Variants in CEP83 observed in about 807,000 individuals in gnomAD.
CEP83 encodes the protein centrosomal protein 83.
In CEP83, 70 loss-of-function variants were observed where a neutral mutation model predicts 101.9. That is an observed-to-expected ratio of 0.69 (90% CI 0.57 to 0.84). The LOEUF (loss-of-function observed/expected upper bound fraction) is 0.84, where lower values mean the gene tolerates loss of function less well. CEP83 is among the 40% of genes least tolerant of loss of function. The pLI, the probability that CEP83 is intolerant of heterozygous loss-of-function variation, is 0.00. For missense variants in CEP83, 715 were observed against 787.2 expected, an observed-to-expected ratio of 0.91 and a Z score of 1.10; for synonymous variants, 264 against 267.9, an observed-to-expected ratio of 0.99 and a Z score of 0.14.
At chr12:94,386,034 A>G (rs1004937794) in intron 6 of CEP83, among the ~76,000 whole-genome samples, 10 of 152,148 alleles carry the variant, frequency 6.6e-5, no homozygotes, top group African/African-American at 2.4e-4. Context: ...CTAGGTGCAT[A>G]TATGTATAGT....
At chr12:94,341,958 C>T (rs898114121) in intron 11 of CEP83, among the ~76,000 whole-genome samples, 1 of 152,078 alleles carries the variant, frequency 6.6e-6, no homozygotes, top group African/African-American at 2.4e-5. Flanking sequence ...GAGTAGGATG[C>T]CTGGGGAGGG....
At chr12:94,270,524 G>A in the CEP83 span, among the ~76,000 whole-genome samples, 1 of 152,084 alleles carries the variant, frequency 6.6e-6, no homozygotes, top group East Asian at 1.9e-4. Flanking sequence ...CACAGCAATG[G>A]AAATGCCTTG....
At chr12:94,307,593 T>C (rs1289040328), downstream of CEP83, 3 of 152,206 alleles carry the variant, frequency 2.0e-5, no homozygotes, top group African/African-American at 7.2e-5. Context: ...CTATTTCTTA[T>C]TGTATACCTG....
chr12:94,352,922 A>G (rs910412426), intron 11 of CEP83, among the ~76,000 whole-genome samples: 2 of 152,194 alleles, frequency 1.3e-5, no homozygotes, highest in African/African-American at 4.8e-5. Context: ...GGTATCAAAA[A>G]CGTTGTAAAC....
the CEP83 span, among the ~76,000 whole-genome samples, chr12:94,276,607 A>G: frequency 6.6e-6 from 1 of 152,148 alleles, no homozygotes; most frequent in East Asian, 1.9e-4. Context: ...GGAGCAAGTT[A>G]CTCAGCCCCT....
At chr12:94,413,863 C>CAT (rs1267128647) in intron 2 of CEP83, among the ~76,000 whole-genome samples, 5 of 145,192 alleles carry the variant, frequency 3.4e-5, no homozygotes, top group East Asian at 2.0e-4. Flanking sequence ...CACACACACA[C>CAT]ACATACATAC....
chr12:94,357,882 T>C (rs527662607), intron 11 of CEP83, among the ~76,000 whole-genome samples: 10 of 152,306 alleles, frequency 6.6e-5, no homozygotes, highest in African/African-American at 2.4e-4. Context: ...TTGTGCCGTA[T>C]GTGGGAATGG....
Position 94,330,351 on chromosome 12 carries a change from C to A in CEP83, c.1707+1349G>T, listed in dbSNP as rs575576462. On this transcript the variant is annotated intron_variant, in intron 14 of 16. Coordinates refer to ENST00000397809, the MANE Select transcript of CEP83 (RefSeq NM_016122.3). ...TGTTGAAAAGATTACCATGTCCTTC[C>A]CCTCCCTTAATCACCACCATAAGTC... 4.6e-5 allele frequency among the ~76,000 whole-genome samples: 7 copies of A among 152,200 alleles called. No homozygotes were observed. In the South Asian group the frequency reaches 1.2e-3, roughly 27 times the overall value.
chr12:94,424,610 C>G (rs2065039338), intron 2 of CEP83: 1 of 1,613,588 alleles, frequency 6.2e-7, no homozygotes, highest in Non-Finnish European at 8.5e-7. Flanking sequence ...CTGTACACCA[C>G]TGGCCTTCAG....
chr12:94,363,757 T>C (rs756452548), intron 11 of CEP83, among the ~76,000 whole-genome samples: 7 of 151,960 alleles, frequency 4.6e-5, no homozygotes, highest in Non-Finnish European at 8.8e-5. Context: ...GAGACCAGCC[T>C]GGCCAACATG....
intron 1 of CEP83, among the ~76,000 whole-genome samples, chr12:94,443,426 T>C (rs769882189): frequency 6.6e-6 from 1 of 151,750 alleles, no homozygotes; most frequent in Non-Finnish European, 1.5e-5. Flanking sequence ...ACAGAAAGAG[T>C]AGCTTTTGTC....
At chr12:94,405,109 T>C (rs1041409274) in intron 4 of CEP83, among the ~76,000 whole-genome samples, 10 of 152,170 alleles carry the variant, frequency 6.6e-5, no homozygotes, top group Admixed American at 2.0e-4. Flanking sequence ...GTATCAAGTC[T>C]GGGTGACAAC....
intron 2 of CEP83, chr12:94,424,419 A>G: frequency 6.2e-7 from 1 of 1,613,736 alleles, no homozygotes. Flanking sequence ...TTCTCTGTGG[A>G]CTCCATCCTT....
chr12:94,273,831 C>T, the CEP83 span, among the ~76,000 whole-genome samples: 1 of 152,102 alleles, frequency 6.6e-6, no homozygotes, highest in Non-Finnish European at 1.5e-5. Flanking sequence ...GAAAATTGAA[C>T]TAAGGATGCC....
At chr12:94,397,710 G>A (rs932966905) in intron 6 of CEP83, among the ~76,000 whole-genome samples, 2 of 152,130 alleles carry the variant, frequency 1.3e-5, no homozygotes, top group Admixed American at 6.6e-5. Flanking sequence ...TAAAAGGAAA[G>A]TACAAAATAA....
At chr12:94,430,933 C>A (rs1227224579) in intron 2 of CEP83, among the ~76,000 whole-genome samples, 1 of 152,098 alleles carries the variant, frequency 6.6e-6, no homozygotes, top group Non-Finnish European at 1.5e-5. Flanking sequence ...TCTATGCAAA[C>A]AGAAACTAAA....
the CEP83 span, among the ~76,000 whole-genome samples, chr12:94,265,930 A>G: frequency 3.3e-5 from 5 of 152,222 alleles, no homozygotes; most frequent in African/African-American, 1.2e-4. Flanking sequence ...GGAGCCAAGC[A>G]GGGAAGGTAA....
chr12:94,315,213 G>T (rs1970484372), intron 14 of CEP83, among the ~76,000 whole-genome samples: 1 of 152,148 alleles, frequency 6.6e-6, no homozygotes, highest in Non-Finnish European at 1.5e-5. Context: ...ATATGTGAGA[G>T]TTCTAGCTGT....
At chr12:94,345,661 G>A (rs553655541) in intron 11 of CEP83, among the ~76,000 whole-genome samples, 8 of 151,952 alleles carry the variant, frequency 5.3e-5, no homozygotes, top group Non-Finnish European at 8.8e-5. Flanking sequence ...TACCTTACCC[G>A]ACAGCAGGTC....
Sources: allele counts gnomAD v4.1 joint callset (sites outside exome capture counted in the v4.1 genomes callset), GRCh38; gene constraint gnomAD v4.1.1; transcripts MANE v1.5; gene names NCBI Gene and HGNC (gene_info 2026-07-23, HGNC 2026-07-21).